MTUS2: variants seen among roughly 807,000 people sequenced by gnomAD.
MTUS2 encodes microtubule-associated tumor suppressor candidate 2.
MTUS2 carries 40 observed loss-of-function variants against 114.1 expected under a neutral mutation model. The ratio of observed to expected loss-of-function variants is 0.35; its 90% CI spans 0.27 to 0.46. The LOEUF (loss-of-function observed/expected upper bound fraction) is 0.46. Among genes scored for constraint, MTUS2 ranks in the 20% least tolerant of loss-of-function variants. The pLI, the probability that MTUS2 is intolerant of heterozygous loss-of-function variation, is 1.00. For missense variants in MTUS2, 1,679 were observed against 1,705.4 expected (o/e 0.98, Z 0.27); for synonymous variants, 688 against 672.0 (o/e 1.02, Z -0.37).
At chr13:29,330,702 C>T (rs559995654) in intron 7 of MTUS2, among the ~76,000 whole-genome samples, 65 of 152,138 alleles carry the variant, frequency 4.3e-4, no homozygotes, top group Non-Finnish European at 6.9e-4. Context: ...ATCATTTCCC[C>T]ATTGCTTGTT....
chr13:29,202,981 G>A (rs899861928), intron 5 of MTUS2, among the ~76,000 whole-genome samples: 3 of 152,200 alleles, frequency 2.0e-5, no homozygotes, highest in Admixed American at 6.5e-5. Flanking sequence ...CAGGAGGCAC[G>A]GGGGTCAGGG....
At chr13:29,251,292 G>GATGATAATAATA (rs143398382) in intron 5 of MTUS2, among the ~76,000 whole-genome samples, 5 of 146,508 alleles carry the variant, frequency 3.4e-5, no homozygotes, top group African/African-American at 1.3e-4. Flanking sequence ...ATGGGATGAT[G>GATGATAATAATA]ATAATAATAA....
rs185771828 is a variant in MTUS2, at chr13:29,452,558, G to T, written c.3184+12509G>T. 2.6e-4 allele frequency among the ~76,000 whole-genome samples: 31 copies of T among 120,196 alleles called. 1 individual carries two copies. In the East Asian group the frequency reaches 6.4e-3, roughly 25 times the overall value. The allele number at this position is 120,196 out of a possible 152,430, so 78.9% of individuals were successfully genotyped here. The stretch of plus-strand genomic sequence containing the variant: ...GGTGTATGCTACTACACCCAACTGT[G>T]TATATATATATATATATGTGTGTGT... On this transcript the variant is annotated intron_variant, in intron 9 of 15. Coordinates refer to ENST00000612955, the MANE Select transcript of MTUS2 (RefSeq NM_001033602.4).
At chr13:29,428,968 A>C in intron 8 of MTUS2, 1 of 1,489,218 alleles carries the variant, frequency 6.7e-7, no homozygotes, top group South Asian at 1.1e-5. Flanking sequence ...TGAGCCAGCC[A>C]CCTCGGTGCC....
At chr13:28,929,041 G>C (rs769980727) in intron 2 of MTUS2, among the ~76,000 whole-genome samples, 4 of 152,118 alleles carry the variant, frequency 2.6e-5, no homozygotes, top group Admixed American at 6.5e-5. Context: ...AGGTCATTCT[G>C]CTAAGTGAAA....
chr13:29,493,899 A>G (rs555473666), intron 12 of MTUS2, among the ~76,000 whole-genome samples: 1 of 152,290 alleles, frequency 6.6e-6, no homozygotes, highest in South Asian at 2.1e-4. Context: ...TGAACTGGGC[A>G]TATGTTTGTT....
At chr13:29,255,009 AC>A (rs1228457218) in intron 5 of MTUS2, among the ~76,000 whole-genome samples, 1 of 152,088 alleles carries the variant, frequency 6.6e-6, no homozygotes, top group African/African-American at 2.4e-5. Flanking sequence ...AATTAAATGC[AC>A]CCTGTGATTT....
intron 2 of MTUS2, among the ~76,000 whole-genome samples, chr13:28,851,459 A>G (rs1185976922): frequency 6.6e-6 from 1 of 152,250 alleles, no homozygotes; most frequent in Non-Finnish European, 1.5e-5. Context: ...TATGCAAATA[A>G]TTAAGAAAAC....
intron 5 of MTUS2, among the ~76,000 whole-genome samples, chr13:29,207,066 G>T (rs1259305141): frequency 6.6e-6 from 1 of 152,078 alleles, no homozygotes; most frequent in East Asian, 1.9e-4. Context: ...ATTTGTTTGT[G>T]TCATCTGTGA....
At position 29,380,643 on chromosome 13, in the gene MTUS2, G is replaced by A. The variant is rs1337529399; in HGVS notation, c.3117+21170G>A. Among the ~76,000 whole-genome samples, 47 of 18,172 alleles carry A rather than the reference G, an allele frequency of 2.6e-3. 22 individuals are homozygous for A. Among genetic ancestry groups the A allele is most frequent in the Non-Finnish European group, 1.9e-3 (5 of 2,690 alleles). 11.9% of individuals were successfully genotyped at this position (18,172 alleles called of 152,430 possible). On this transcript the variant is annotated intron_variant, in intron 8 of 15. Transcript: ENST00000612955. ...GATAAAAGACATCAGCTGGCCGGGC[G>A]CGGTGGCTCACGCCTGTAATCCCAG... is the stretch of plus-strand genomic sequence containing the variant.
At chr13:29,382,548 G>C (rs1295118727) in intron 8 of MTUS2, among the ~76,000 whole-genome samples, 2 of 152,312 alleles carry the variant, frequency 1.3e-5, no homozygotes, top group East Asian at 1.9e-4. Flanking sequence ...ATCCACAGAA[G>C]TTTACGAACT....
intron 9 of MTUS2, among the ~76,000 whole-genome samples, chr13:29,459,367 A>G (rs1383755532): frequency 6.6e-6 from 1 of 152,168 alleles, no homozygotes; most frequent in Non-Finnish European, 1.5e-5. Context: ...TTTACATCCA[A>G]CAGGTCATCA....
intron 2 of MTUS2, among the ~76,000 whole-genome samples, chr13:28,862,276 C>T (rs1317193860): frequency 1.3e-5 from 2 of 152,162 alleles, no homozygotes; most frequent in African/African-American, 4.8e-5. Context: ...AGTAAATTAA[C>T]AGCAGGAACG....
intron 2 of MTUS2, among the ~76,000 whole-genome samples, chr13:28,974,990 T>A (rs1884023339): frequency 6.6e-6 from 1 of 152,242 alleles, no homozygotes; most frequent in Non-Finnish European, 1.5e-5. Context: ...CTTTTCTTCC[T>A]AGGGGAAATG....
At chr13:28,994,086 G>T (rs1171641495) in intron 2 of MTUS2, among the ~76,000 whole-genome samples, 1 of 152,014 alleles carries the variant, frequency 6.6e-6, no homozygotes, top group Non-Finnish European at 1.5e-5. Context: ...GGTGTGTGAT[G>T]TTCCCCTTCC....
At chr13:28,903,728 G>T (rs1336928330) in intron 2 of MTUS2, among the ~76,000 whole-genome samples, 1 of 151,986 alleles carries the variant, frequency 6.6e-6, no homozygotes, top group Non-Finnish European at 1.5e-5. Context: ...AAACATGTGT[G>T]CATGTGTCTT....
chr13:29,099,425 C>A (rs1001845563), intron 4 of MTUS2, among the ~76,000 whole-genome samples: 3 of 152,194 alleles, frequency 2.0e-5, no homozygotes, highest in Admixed American at 1.3e-4. Context: ...CTCTCCATAG[C>A]CTCACTTTCG....
chr13:29,375,289 T>TG (rs59668235), intron 8 of MTUS2, among the ~76,000 whole-genome samples: 126,692 of 129,570 alleles, frequency 0.98, 62,160 homozygotes, highest in Middle Eastern at 1. Context: ...AAAGGAGTTT[T>TG]TAATAGGAGT....
chr13:29,186,243 AG>A (rs574253135), intron 5 of MTUS2, among the ~76,000 whole-genome samples: 63 of 152,340 alleles, frequency 4.1e-4, no homozygotes, highest in African/African-American at 1.5e-3. Context: ...TGTTAAAGAT[AG>A]AATAACAAAA....
Sources: allele counts gnomAD v4.1 joint callset (sites outside exome capture counted in the v4.1 genomes callset), GRCh38; gene constraint gnomAD v4.1.1; transcripts MANE v1.5; gene names NCBI Gene and HGNC (gene_info 2026-07-23, HGNC 2026-07-21).